The following ADGRL2 variants were observed in gnomAD, a reference collection of about 807,000 sequenced individuals.
The protein encoded by ADGRL2 is calcium-independent alpha-latrotoxin receptor 2.
In ADGRL2, 44 loss-of-function variants were observed where a neutral mutation model predicts 157.4. The ratio of observed to expected loss-of-function variants is 0.28; its 90% CI spans 0.22 to 0.36. The LOEUF (loss-of-function observed/expected upper bound fraction) is 0.36. Ranked by LOEUF, ADGRL2 falls within the 10% of genes least tolerant of loss-of-function variation. The pLI is 1.00. For synonymous variants in ADGRL2, 585 were observed against 624.7 expected, an observed-to-expected ratio of 0.94 and a Z score of 0.95; for missense variants, 1,510 against 1,768.9, an observed-to-expected ratio of 0.85 and a Z score of 2.63.
At chr1:81,956,723 G>A (rs1365553779) in intron 11 of ADGRL2, among the ~76,000 whole-genome samples, 1 of 152,184 alleles carries the variant, frequency 6.6e-6, no homozygotes, top group Non-Finnish European at 1.5e-5. Context: ...ATTATTCAGT[G>A]AGGTTGAATT....
At chr1:81,635,187 T>A (rs992477506) in intron 3 of ADGRL2, among the ~76,000 whole-genome samples, 11 of 152,176 alleles carry the variant, frequency 7.2e-5, no homozygotes, top group African/African-American at 2.7e-4. Context: ...AGTAACTTAC[T>A]TATAACATAC....
chr1:81,921,377 T>A (rs2094974384), intron 3 of ADGRL2, among the ~76,000 whole-genome samples: 1 of 152,174 alleles, frequency 6.6e-6, no homozygotes. Flanking sequence ...GTGTAAAAAA[T>A]TTTAAAATTG....
At chr1:81,823,359 C>CTTCCTTCCCTCCCCCCTCCCTCT (rs1262475771) in intron 1 of ADGRL2, among the ~76,000 whole-genome samples, 1 of 137,344 alleles carries the variant, frequency 7.3e-6, no homozygotes, top group African/African-American at 2.7e-5. Context: ...TCCTTCCCTC[C>CTTCCTTCCCTCCCCCCTCCCTCT]TTCCTTCCCT....
chr1:81,829,638 A>G (rs555725261), intron 1 of ADGRL2, among the ~76,000 whole-genome samples: 1 of 152,320 alleles, frequency 6.6e-6, no homozygotes, highest in East Asian at 1.9e-4. Flanking sequence ...ATTTTCTGAA[A>G]CAGTTGCTTC....
chr1:81,687,923 A>T (rs1025178853), intron 3 of ADGRL2, among the ~76,000 whole-genome samples: 2 of 152,054 alleles, frequency 1.3e-5, no homozygotes, highest in Admixed American at 6.6e-5. Flanking sequence ...TCCTTCTTAT[A>T]TGATGCTTAG....
intron 1 of ADGRL2, chr1:81,722,938 C>G: frequency 1.3e-6 from 1 of 754,588 alleles, no homozygotes; most frequent in Non-Finnish European, 2.4e-6. Flanking sequence ...TTCTTGCAGA[C>G]ATGCAGGATC....
intron 1 of ADGRL2, among the ~76,000 whole-genome samples, chr1:81,348,171 G>A (rs372557617): frequency 1.3e-5 from 2 of 152,100 alleles, no homozygotes; most frequent in East Asian, 3.9e-4. Context: ...GGACAGCAAA[G>A]CATCACATCG....
intron 1 of ADGRL2, among the ~76,000 whole-genome samples, chr1:81,359,836 A>T (rs2075947292): frequency 6.6e-6 from 1 of 151,866 alleles, no homozygotes; most frequent in Non-Finnish European, 1.5e-5. Flanking sequence ...GCCAAAAAAA[A>T]CCTATGAGCT....
intron 2 of ADGRL2, among the ~76,000 whole-genome samples, chr1:81,567,017 A>C (rs527888638): frequency 1.3e-5 from 2 of 152,130 alleles, no homozygotes; most frequent in African/African-American, 2.4e-5. Flanking sequence ...GTATATGCAA[A>C]TTACTTCAAG....
At chr1:81,527,981 G>A (rs971132933) in intron 2 of ADGRL2, among the ~76,000 whole-genome samples, 5 of 141,092 alleles carry the variant, frequency 3.5e-5, no homozygotes, top group African/African-American at 1.3e-4. Flanking sequence ...GCAGGAGAAT[G>A]ACGTGAACCC....
chr1:81,471,245 G>A (rs560936811), intron 2 of ADGRL2, among the ~76,000 whole-genome samples: 5 of 152,098 alleles, frequency 3.3e-5, no homozygotes, highest in Admixed American at 2.0e-4. Flanking sequence ...TCTTTCTTCA[G>A]ACCACCACAA....
intron 2 of ADGRL2, among the ~76,000 whole-genome samples, chr1:81,515,994 CTATT>C (rs1173971217): frequency 6.6e-6 from 1 of 152,110 alleles, no homozygotes; most frequent in African/African-American, 2.4e-5. Flanking sequence ...TCAGAATGAA[CTATT>C]TATCATCAAA....
chr1:81,504,029 G>A (rs1324658294), intron 2 of ADGRL2, among the ~76,000 whole-genome samples: 1 of 152,132 alleles, frequency 6.6e-6, no homozygotes, highest in African/African-American at 2.4e-5. Flanking sequence ...TCAAACACAA[G>A]TCTTGAATCA....
chr1:81,820,436 C>A (rs979204923), intron 1 of ADGRL2, among the ~76,000 whole-genome samples: 1 of 152,096 alleles, frequency 6.6e-6, no homozygotes, highest in Non-Finnish European at 1.5e-5. Context: ...TGGAAACTCT[C>A]AGTAAATGCT....
At chr1:81,423,042 G>C (rs1000664945) in intron 1 of ADGRL2, among the ~76,000 whole-genome samples, 1 of 152,236 alleles carries the variant, frequency 6.6e-6, no homozygotes, top group East Asian at 1.9e-4. Context: ...CAACCATTGA[G>C]ACCAACTTGC....
chr1:81,958,335 T>TC (rs1654258907), intron 11 of ADGRL2, among the ~76,000 whole-genome samples: 1 of 137,172 alleles, frequency 7.3e-6, no homozygotes, highest in Non-Finnish European at 1.6e-5. Flanking sequence ...ATTTTGGGGG[T>TC]GGGGGGAAGG....
At chr1:81,579,220 A>C (rs1006247777) in intron 2 of ADGRL2, 2 of 152,220 alleles carry the variant, frequency 1.3e-5, no homozygotes, top group African/African-American at 2.4e-5. Context: ...CTATCAACTC[A>C]AAGAGCATCA....
At chr1:81,896,307 TA>T (rs66867403) in intron 2 of ADGRL2, among the ~76,000 whole-genome samples, 30,384 of 151,424 alleles carry the variant, frequency 0.2, 3,713 homozygotes, top group Middle Eastern at 0.32. Flanking sequence ...TAACTAGTTA[TA>T]AAAAAAAATA....
intron 1 of ADGRL2, among the ~76,000 whole-genome samples, chr1:81,751,416 C>T (rs778138134): frequency 3.3e-5 from 5 of 151,980 alleles, no homozygotes; most frequent in African/African-American, 7.2e-5. Flanking sequence ...GTGATTTTTC[C>T]GCCAAAGAGA....
Sources: allele counts gnomAD v4.1 joint callset (sites outside exome capture counted in the v4.1 genomes callset), GRCh38; gene constraint gnomAD v4.1.1; transcripts MANE v1.5; gene names NCBI Gene and HGNC (gene_info 2026-07-23, HGNC 2026-07-21).